SYCP2L: variants seen among roughly 807,000 people sequenced by gnomAD.
SYCP2L encodes the protein synaptonemal complex protein 2-like.
In SYCP2L, 98 loss-of-function variants were observed where a neutral mutation model predicts 125.8. The ratio of observed to expected loss-of-function variants is 0.78; its 90% CI spans 0.66 to 0.92. The LOEUF is 0.92. SYCP2L is among the 40% of genes least tolerant of loss of function. The probability of loss-of-function intolerance (pLI) is 0.00; values close to 1 mark genes in which losing one functional copy is unlikely to be tolerated. For missense variants in SYCP2L, 842 were observed against 936.4 expected, an observed-to-expected ratio of 0.90 and a Z score of 1.32; for synonymous variants, 317 against 325.4, an observed-to-expected ratio of 0.97 and a Z score of 0.28.
chr6:10,940,207 A>G (rs778978783), intron 21 of SYCP2L, among the ~76,000 whole-genome samples: 2 of 152,222 alleles, frequency 1.3e-5, no homozygotes, highest in Non-Finnish European at 2.9e-5. Context: ...GGGTATGGAG[A>G]GAAGGGAACA....
Position 10,898,021 on chromosome 6 carries a change from G to A in SYCP2L, c.347G>A (p.Trp116Ter). The A allele has an allele frequency of 6.2e-7, 1 of 1,613,528 alleles. No individual in the cohort carries two copies. The highest frequency in any genetic ancestry group is 8.5e-7 in the Non-Finnish European group (1 of 1,179,492). The change falls in exon 5 of 30, where the codon TGG becomes TAG. Residue 116 changes from tryptophan (W) to a stop codon, truncating the protein, a stop_gained. Coordinates refer to ENST00000283141, the MANE Select transcript of SYCP2L (RefSeq NM_001040274.3). LOFTEE classifies it high-confidence loss of function. Reference protein sequence around the residue: ...RQGLIPKLVSWFERTTGILTS... With the variant: ...RQGLIPKLVS ...TGTCCTCCTGTGTACCTAGTTTCCT[G>A]GTTTGAAAGAACAACAGGAATTCTG...
chr6:10,954,844 G>A lies in SYCP2L; in HGVS notation c.1955-272G>A, dbSNP rs994714141. Among the ~76,000 whole-genome samples the A allele has an allele frequency of 2.0e-5, 3 of 152,148 alleles. No individual in the cohort carries two copies. Reference sequence around the variant, plus strand: ...ATGTCTACCATTACTGCTTAACTTAGGAACGCTCTGCCTAGTGAGGGGTCT... The same window carrying A: ...ATGTCTACCATTACTGCTTAACTTAAGAACGCTCTGCCTAGTGAGGGGTCT... On this transcript the variant is annotated intron_variant, in intron 23 of 29. Transcript: ENST00000283141. The surrounding 1 kb of genome is among the most constrained non-coding windows in gnomAD (Gnocchi z 4.8).
intron 14 of SYCP2L, among the ~76,000 whole-genome samples, chr6:10,919,413 C>G (rs1400339762): frequency 6.6e-6 from 1 of 152,138 alleles, no homozygotes; most frequent in African/African-American, 2.4e-5. Flanking sequence ...TGTACAGAGT[C>G]CTGTGATGTG....
intron 26 of SYCP2L, among the ~76,000 whole-genome samples, chr6:10,959,408 G>A (rs555913024): frequency 1.3e-5 from 2 of 152,342 alleles, no homozygotes; most frequent in African/African-American, 4.8e-5. Context: ...GAAAGGAGGA[G>A]CTGTGGTTTA....
At chr6:10,938,420 G>A (rs764428200) in intron 21 of SYCP2L, among the ~76,000 whole-genome samples, 4 of 152,012 alleles carry the variant, frequency 2.6e-5, no homozygotes, top group Admixed American at 6.6e-5. Flanking sequence ...TATTAAAAAG[G>A]CCATATATGA....
chr6:10,956,489 G>A (rs752815367), intron 25 of SYCP2L, among the ~76,000 whole-genome samples: 1 of 152,144 alleles, frequency 6.6e-6, no homozygotes, highest in Non-Finnish European at 1.5e-5. Context: ...CATACAGCAT[G>A]GTGACTATAG....
chr6:10,900,886 C>G (rs1256556887), intron 6 of SYCP2L, among the ~76,000 whole-genome samples: 1 of 152,204 alleles, frequency 6.6e-6, no homozygotes, highest in Non-Finnish European at 1.5e-5. Context: ...CAGGTTTTCA[C>G]ATGTGGCCTT....
chr6:10,959,059 T>C (rs1781553386), intron 26 of SYCP2L, among the ~76,000 whole-genome samples, 184 bp downstream of exon 26: 1 of 152,180 alleles, frequency 6.6e-6, no homozygotes, highest in South Asian at 2.1e-4. Context: ...GAACTAAATG[T>C]CCATCTTAAG....
intron 4 of SYCP2L, among the ~76,000 whole-genome samples, chr6:10,897,366 C>A (rs534639340): frequency 6.7e-6 from 1 of 150,156 alleles, no homozygotes; most frequent in Non-Finnish European, 1.5e-5. Context: ...ATTCTCAGAT[C>A]GCAAGATTTT....
rs1780625840 is a variant in SYCP2L, at chr6:10,912,334, A to G, written c.919-339A>G. Among the ~76,000 whole-genome samples the G allele has an allele frequency of 6.6e-6, 1 of 152,176 alleles. No homozygotes were observed. The highest frequency in any genetic ancestry group is 2.4e-5 in the African/African-American group (1 of 41,454). On this transcript the variant is annotated intron_variant, in intron 12 of 29. Transcript: ENST00000283141. This position sits in a 1 kb window ranked among gnomAD's most constrained non-coding sequence, Gnocchi z 4.1. ...TCCTTCTCCAGAAGTTTCCATCCAT[A>G]TGCAGTGTGGCTTGTTACTGATTCA...
intron 20 of SYCP2L, among the ~76,000 whole-genome samples, chr6:10,932,753 CA>C (rs138600183): frequency 5.3e-5 from 8 of 151,884 alleles, no homozygotes; most frequent in South Asian, 4.1e-4. Context: ...ACCACAGCTT[CA>C]AAAAAAATTT....
At position 10,935,084 on chromosome 6, in the gene SYCP2L, A is replaced by G; in HGVS notation, c.1710A>G (p.Lys570=). 6.2e-7 allele frequency: 1 copy of G among 1,611,036 alleles called. No individual in the cohort carries two copies. Among genetic ancestry groups the G allele is most frequent in the Non-Finnish European group, 8.5e-7 (1 of 1,178,950 alleles). Residue 570 remains lysine, a synonymous_variant, in exon 21 of 30, where the codon AAA becomes AAG. Coordinates refer to ENST00000283141, the MANE Select transcript of SYCP2L (RefSeq NM_001040274.3). ...CTAAGCTTCTATCACCATCAGAGAA[A>G]GAAATACCCGAGCAAAATAACACCA... ...DQAKLLSPSE[K]EIPEQNNTTS...
At chr6:10,904,292 A>G (rs1034854626) in intron 8 of SYCP2L, among the ~76,000 whole-genome samples, 1 of 152,168 alleles carries the variant, frequency 6.6e-6, no homozygotes, top group Non-Finnish European at 1.5e-5. Flanking sequence ...CATACAAACA[A>G]CAAAACCAGC....
intron 19 of SYCP2L, 44 bp from the exon 20 acceptor site, chr6:10,931,396 A>G (rs371798235): frequency 4.9e-5 from 79 of 1,604,554 alleles, no homozygotes; most frequent in Non-Finnish European, 6.2e-5. Context: ...TTTATGCCTC[A>G]TGAGTTAATG....
intron 23 of SYCP2L, among the ~76,000 whole-genome samples, chr6:10,945,324 A>G (rs898095582): frequency 5.3e-5 from 8 of 152,136 alleles, no homozygotes; most frequent in African/African-American, 1.9e-4. Flanking sequence ...ATGTCCTTCA[A>G]ATCTTACATT....
chr6:10,951,777 G>T (rs760133634), intron 23 of SYCP2L, among the ~76,000 whole-genome samples: 6 of 152,186 alleles, frequency 3.9e-5, no homozygotes, highest in Non-Finnish European at 7.4e-5. Context: ...TCACTTCAGA[G>T]CAAGGTTTCA....
chr6:10,920,745 T>C (rs1780783543), intron 14 of SYCP2L, among the ~76,000 whole-genome samples: 1 of 151,286 alleles, frequency 6.6e-6, no homozygotes, highest in South Asian at 2.1e-4. Context: ...TGGGTACATG[T>C]GCGGGATGTA....
At chr6:10,928,678 A>G (rs903163955) in intron 18 of SYCP2L, among the ~76,000 whole-genome samples, 1 of 152,196 alleles carries the variant, frequency 6.6e-6, no homozygotes, top group African/African-American at 2.4e-5. Context: ...AGCAAGAACT[A>G]CAGGTGGTGC....
intron 20 of SYCP2L, among the ~76,000 whole-genome samples, chr6:10,933,318 C>T (rs150191512): frequency 4.6e-4 from 70 of 152,248 alleles, no homozygotes; most frequent in South Asian, 1.7e-3. Flanking sequence ...CAGCCAGAGA[C>T]GGAATGGAAA....
Sources: gnomAD v4.1 joint callset for allele counts (sites outside exome capture counted in the v4.1 genomes callset) on GRCh38, gnomAD v4.1.1 for gene constraint, Gnocchi (gnomAD v3.1) non-coding constraint, MANE v1.5 for transcripts, NCBI Gene and HGNC (gene_info 2026-07-23, HGNC 2026-07-21) for gene names.